Variants in MED12L observed in about 807,000 individuals in gnomAD.
The protein encoded by MED12L is mediator complex subunit 12L.
A neutral mutation model predicts 281.3 loss-of-function variants in MED12L; 60 were observed. That is an observed-to-expected ratio of 0.21 (90% CI 0.17 to 0.26). The LOEUF is 0.26. Among genes scored for constraint, MED12L ranks in the 10% least tolerant of loss-of-function variants. The pLI is 1.00. For missense variants in MED12L, 2,146 were observed against 2,680.9 expected (o/e 0.80, Z 4.41); for synonymous variants, 974 against 987.2 (o/e 0.99, Z 0.25).
chr3:151,384,295 T>G, intron 35 of MED12L, 77 bp downstream of exon 35: 1 of 1,345,818 alleles, frequency 7.4e-7, no homozygotes, highest in Non-Finnish European at 1.0e-6. Flanking sequence ...AATTTATTAC[T>G]CATTAAATGT....
intron 5 of MED12L, among the ~76,000 whole-genome samples, chr3:151,135,356 A>G (rs971311599): frequency 6.6e-6 from 1 of 152,178 alleles, no homozygotes; most frequent in African/African-American, 2.4e-5. Flanking sequence ...CGATACCTTT[A>G]AAGTGTTTAG....
intron 16 of MED12L, among the ~76,000 whole-genome samples, chr3:151,225,436 G>A (rs1730295457): frequency 1.3e-5 from 2 of 152,178 alleles, no homozygotes; most frequent in Non-Finnish European, 2.9e-5. Context: ...GGAAGGGCAA[G>A]TGAGCATGTG....
chr3:151,393,267 AAAAG>A (rs944677815), intron 38 of MED12L, among the ~76,000 whole-genome samples: 8 of 152,192 alleles, frequency 5.3e-5, no homozygotes, highest in African/African-American at 1.9e-4. Context: ...AGAAGAAAGA[AAAAG>A]AAGGGGAAGT....
chr3:151,090,806 G>T (rs1361332792), intron 2 of MED12L, among the ~76,000 whole-genome samples: 1 of 152,138 alleles, frequency 6.6e-6, no homozygotes, highest in Non-Finnish European at 1.5e-5. Context: ...TTGGGAGGCC[G>T]AGGCGGGTGG....
At chr3:151,370,065 A>G (rs913648235) in intron 26 of MED12L, among the ~76,000 whole-genome samples, 8 of 152,176 alleles carry the variant, frequency 5.3e-5, no homozygotes, top group African/African-American at 1.9e-4. Context: ...TGTTGATATT[A>G]TTGATAAATC....
intron 2 of MED12L, among the ~76,000 whole-genome samples, chr3:151,113,909 A>T (rs1388786587): frequency 6.6e-6 from 1 of 152,208 alleles, no homozygotes; most frequent in Non-Finnish European, 1.5e-5. Flanking sequence ...CTGGTTCTTA[A>T]AATCTCACAC....
chr3:151,144,667 C>T (rs1268652240), intron 5 of MED12L, among the ~76,000 whole-genome samples: 1 of 152,174 alleles, frequency 6.6e-6, no homozygotes, highest in Non-Finnish European at 1.5e-5. Flanking sequence ...GGTACTGCCC[C>T]CCTTCCTCAG....
chr3:151,425,822 T>A (rs867843223), intron 43 of MED12L: 13 of 444,250 alleles, frequency 2.9e-5, no homozygotes, highest in Middle Eastern at 9.4e-4. Flanking sequence ...ACAAAAGCAG[T>A]GATTCACTCT....
intron 16 of MED12L, among the ~76,000 whole-genome samples, chr3:151,236,550 C>T (rs1372679599): frequency 2.6e-5 from 4 of 152,160 alleles, no homozygotes; most frequent in Non-Finnish European, 4.4e-5. Flanking sequence ...TCTAAATGGT[C>T]CATCCTCCCA....
intron 16 of MED12L, among the ~76,000 whole-genome samples, chr3:151,282,699 G>A (rs1213615555): frequency 6.6e-6 from 1 of 152,164 alleles, no homozygotes; most frequent in African/African-American, 2.4e-5. Context: ...GTGAGCCAAG[G>A]TTTAATGTTA....
rs771879553 is a variant in MED12L at position 151,365,137 on chromosome 3, C to T, written c.3116C>T (p.Ala1039Val). 6.8e-6 allele frequency: 11 copies of T among 1,613,894 alleles called. No individual in the cohort carries two copies. Among genetic ancestry groups the T allele is most frequent in the Non-Finnish European group, 9.3e-6 (11 of 1,179,944 alleles). The change falls in exon 22 of 45, where the codon GCG becomes GTG. Residue 1039 changes from alanine (A) to valine (V), a missense_variant. This residue lies in a region of MED12L where 404 missense variants were observed against 603.5 expected (regional missense o/e 0.67). Coordinates refer to ENST00000687756, the MANE Select transcript of MED12L (RefSeq NM_001393769.1). The stretch of plus-strand genomic sequence containing the variant: ...CTGGGCAAGATCCTCAGTGACAATG[C>T]GGCCAATCGCTACAGCTTTGTCTGC... ...SMLGKILSDNAANRYSFVCNT... is the reference protein window; with the variant it reads ...SMLGKILSDNVANRYSFVCNT...
intron 42 of MED12L, among the ~76,000 whole-genome samples, chr3:151,416,045 C>T (rs182042617): frequency 9.9e-4 from 151 of 152,158 alleles, no homozygotes; most frequent in Admixed American, 3.3e-3. Flanking sequence ...CCCCGGACAG[C>T]GCAGTGTGGA....
chr3:151,291,981 C>T (rs1324977951), intron 16 of MED12L, among the ~76,000 whole-genome samples: 2 of 152,100 alleles, frequency 1.3e-5, no homozygotes, highest in African/African-American at 4.8e-5. Flanking sequence ...TGCCTAGTAA[C>T]TATATAGCAG....
chr3:151,191,066 T>G, intron 14 of MED12L, 135 bp downstream of exon 14: 5 of 700,750 alleles, frequency 7.1e-6, no homozygotes, highest in Non-Finnish European at 1.2e-5. Context: ...TGTTTATCTC[T>G]ACTTCTCGAG....
intron 16 of MED12L, among the ~76,000 whole-genome samples, chr3:151,273,509 G>A (rs1467985517): frequency 6.6e-6 from 1 of 150,986 alleles, no homozygotes; most frequent in African/African-American, 2.4e-5. Flanking sequence ...CCAAAGTGTT[G>A]GGATTACAGG....
In MED12L at chr3:151,216,479, T is replaced by C. The variant is rs139623433; in HGVS notation, c.2250+22813T>C. Among the ~76,000 whole-genome samples the C allele has an allele frequency of 2.6e-5, 4 of 152,360 alleles. No individual in the cohort carries two copies. The South Asian group carries it at 8.3e-4, about 32-fold the overall frequency. On this transcript the variant is annotated intron_variant, in intron 16 of 44. Transcript: ENST00000687756. Reference sequence around the variant, plus strand: ...AAAATAGTACATCCATGTAAACTTGTGTGCTGCTTCCTACACAAGAATATC... The same window carrying C: ...AAAATAGTACATCCATGTAAACTTGCGTGCTGCTTCCTACACAAGAATATC...
intron 16 of MED12L, chr3:151,316,997 G>T (rs564736335): frequency 6.6e-6 from 1 of 152,134 alleles, no homozygotes; most frequent in Non-Finnish European, 1.5e-5. Flanking sequence ...GGGGGATGAA[G>T]TCTCGGGTTG....
chr3:151,262,595 A>G (rs1320284759), intron 16 of MED12L, among the ~76,000 whole-genome samples: 3 of 152,238 alleles, frequency 2.0e-5, no homozygotes, highest in Non-Finnish European at 4.4e-5. Flanking sequence ...TGTGTTTTTT[A>G]AATTTACTAA....
intron 11 of MED12L, among the ~76,000 whole-genome samples, chr3:151,179,374 T>A (rs1722450830): frequency 6.6e-6 from 1 of 152,044 alleles, no homozygotes; most frequent in African/African-American, 2.4e-5. Flanking sequence ...GAGAAACATA[T>A]ACTTTATTTG....
Sources: allele counts gnomAD v4.1 joint callset (sites outside exome capture counted in the v4.1 genomes callset), GRCh38; gene constraint gnomAD v4.1.1; regional missense constraint gnomAD v4.1.1; transcripts MANE v1.5; gene names NCBI Gene and HGNC (gene_info 2026-07-23, HGNC 2026-07-21).